TRAPPC9: variants seen among roughly 807,000 people sequenced by gnomAD.
TRAPPC9 encodes the protein IKK2 binding protein.
A neutral mutation model predicts 124.0 loss-of-function variants in TRAPPC9; 83 were observed. That is an observed-to-expected ratio of 0.67 (90% CI 0.56 to 0.80). TRAPPC9 has a LOEUF of 0.80. Among genes scored for constraint, TRAPPC9 ranks in the 30% least tolerant of loss-of-function variants. TRAPPC9 has a pLI of 0.00. For synonymous variants in TRAPPC9, 638 were observed against 617.5 expected (o/e 1.03, Z -0.49); for missense variants, 1,302 against 1,508.3 (o/e 0.86, Z 2.27).
chr8:140,081,425 G>A (rs184816086), intron 17 of TRAPPC9, among the ~76,000 whole-genome samples: 1,774 of 144,142 alleles, frequency 0.012, 19 homozygotes, highest in Middle Eastern at 0.03. Context: ...AGCTCACTAC[G>A]ACCTCCGCCT....
chr8:140,248,289 T>C (rs2064035066), intron 16 of TRAPPC9, among the ~76,000 whole-genome samples: 1 of 152,244 alleles, frequency 6.6e-6, no homozygotes, highest in Non-Finnish European at 1.5e-5. Flanking sequence ...CCCACCTCTG[T>C]TCCCAGCAGC....
At chr8:140,065,375 G>A (rs1842852976) in intron 17 of TRAPPC9, among the ~76,000 whole-genome samples, 3 of 152,226 alleles carry the variant, frequency 2.0e-5, no homozygotes, top group Admixed American at 2.0e-4. Flanking sequence ...AAAGATCATT[G>A]AGGAAGATGG....
At chr8:140,233,988 T>C (rs1489996878) in intron 16 of TRAPPC9, among the ~76,000 whole-genome samples, 1 of 152,186 alleles carries the variant, frequency 6.6e-6, no homozygotes, top group African/African-American at 2.4e-5. Context: ...CTTATGCTAA[T>C]ACAGTAGCCA....
At chr8:140,023,341 G>C (rs1005352314) in intron 18 of TRAPPC9, among the ~76,000 whole-genome samples, 4 of 152,230 alleles carry the variant, frequency 2.6e-5, no homozygotes, top group Non-Finnish European at 4.4e-5. Flanking sequence ...AGAATACCCT[G>C]AGTATCTCTT....
chr8:139,786,507 T>TA (rs756471569), intron 21 of TRAPPC9, among the ~76,000 whole-genome samples: 173 of 144,762 alleles, frequency 1.2e-3, no homozygotes, highest in Admixed American at 1.8e-3. Context: ...GGAAGCTTCT[T>TA]AAAAAAAAAA....
chr8:140,395,360 C>T (rs886830395), intron 7 of TRAPPC9, among the ~76,000 whole-genome samples: 5 of 152,100 alleles, frequency 3.3e-5, no homozygotes, highest in Admixed American at 6.6e-5. Context: ...GCCAAGATGA[C>T]GGGTCCAAGG....
At chr8:140,028,475 G>T (rs1840293300) in intron 17 of TRAPPC9, among the ~76,000 whole-genome samples, 1 of 152,202 alleles carries the variant, frequency 6.6e-6, no homozygotes, top group South Asian at 2.1e-4. Flanking sequence ...AGTCATGAGA[G>T]CCCCACAAGG....
At chr8:140,269,436 G>A (rs1000041832) in intron 15 of TRAPPC9, among the ~76,000 whole-genome samples, 3 of 152,054 alleles carry the variant, frequency 2.0e-5, no homozygotes, top group African/African-American at 7.3e-5. Context: ...AGCTACTCGG[G>A]AGGCTGAGGC....
At chr8:140,058,073 G>C (rs549280797) in intron 17 of TRAPPC9, among the ~76,000 whole-genome samples, 3 of 152,326 alleles carry the variant, frequency 2.0e-5, no homozygotes, top group East Asian at 1.9e-4. Context: ...AGCTCATGGG[G>C]CACGTCTACT....
At chr8:139,856,591 G>A (rs1034605422) in intron 21 of TRAPPC9, among the ~76,000 whole-genome samples, 27 of 152,174 alleles carry the variant, frequency 1.8e-4, no homozygotes, top group South Asian at 4.1e-4. Context: ...GCTGGACAGC[G>A]GCGGGGGGTG....
intron 19 of TRAPPC9, among the ~76,000 whole-genome samples, chr8:139,929,082 G>A (rs146238915): frequency 1.0e-3 from 154 of 152,160 alleles, no homozygotes; most frequent in African/African-American, 3.5e-3. Context: ...AATACTTCAC[G>A]AAATCGGGAA....
chr8:140,259,277 G>T (rs2064343339), intron 15 of TRAPPC9, among the ~76,000 whole-genome samples: 1 of 152,174 alleles, frequency 6.6e-6, no homozygotes, highest in African/African-American at 2.4e-5. Flanking sequence ...TTCCTGTGAT[G>T]CCTTCCCATC....
Position 140,018,324 on chromosome 8 carries a change from A to ATTTTTTCTTTTTTTT in TRAPPC9, c.2699+5612_2699+5613insAAAAAAAAGAAAAAA, listed in dbSNP as rs765656679. ...TTGCTGGTATATAGAAACGTAAGTG[A>ATTTTTTCTTTTTTTT]TTTTTTTTTTTTTTTTTGAGACGGA... On this transcript the variant is annotated intron_variant, in intron 18 of 22. Transcript: ENST00000438773. Among the ~76,000 whole-genome samples the ATTTTTTCTTTTTTTT allele has an allele frequency of 9.3e-3, 1,113 of 119,550 alleles. 178 individuals carry two copies. The highest frequency in any genetic ancestry group is 0.013 in the African/African-American group (408 of 30,626). The allele number at this position is 119,550 out of a possible 152,430, so 78.4% of individuals were successfully genotyped here. A position where few individuals can be genotyped will look rare whatever the true frequency, so the allele number is the denominator to read the frequency against.
At chr8:140,453,480 C>T (rs1030580512) in intron 1 of TRAPPC9, among the ~76,000 whole-genome samples, 2 of 60,048 alleles carry the variant, frequency 3.3e-5, no homozygotes, top group South Asian at 5.2e-4. Flanking sequence ...CTCACCTGCA[C>T]GGAGAGGAGG....
intron 15 of TRAPPC9, among the ~76,000 whole-genome samples, chr8:140,267,612 C>A (rs1346418669): frequency 6.6e-6 from 1 of 152,184 alleles, no homozygotes; most frequent in Non-Finnish European, 1.5e-5. Context: ...GTACCACTCA[C>A]CTGGTATGTG....
At chr8:139,861,511 G>T (rs1011970894) in intron 21 of TRAPPC9, among the ~76,000 whole-genome samples, 1 of 152,120 alleles carries the variant, frequency 6.6e-6, no homozygotes, top group African/African-American at 2.4e-5. Flanking sequence ...TGGGAAAGTT[G>T]TTTACTGAAA....
At chr8:140,084,550 C>A (rs1486014149) in intron 17 of TRAPPC9, among the ~76,000 whole-genome samples, 1 of 152,210 alleles carries the variant, frequency 6.6e-6, no homozygotes, top group Non-Finnish European at 1.5e-5. Flanking sequence ...TTCTAAAAGG[C>A]CAGCATGGAA....
intron 9 of TRAPPC9, among the ~76,000 whole-genome samples, chr8:140,315,297 A>G (rs2066414651): frequency 6.7e-6 from 1 of 149,464 alleles, no homozygotes; most frequent in Non-Finnish European, 1.5e-5. Flanking sequence ...AGATAAAATA[A>G]GTTCAGTTTC....
intron 20 of TRAPPC9, among the ~76,000 whole-genome samples, chr8:139,906,150 T>G (rs977442255): frequency 1.3e-5 from 2 of 152,136 alleles, no homozygotes; most frequent in African/African-American, 2.4e-5. Context: ...ACCTAACCCA[T>G]TAGCTCATCC....
Sources: allele counts gnomAD v4.1 joint callset (sites outside exome capture counted in the v4.1 genomes callset), GRCh38; gene constraint gnomAD v4.1.1; transcripts MANE v1.5; gene names NCBI Gene and HGNC (gene_info 2026-07-23, HGNC 2026-07-21).